The following EYS variants were observed in gnomAD, a reference collection of about 807,000 sequenced individuals.
EYS encodes the protein protein eyes shut homolog.
Under a neutral mutation model 282.1 loss-of-function variants are expected in EYS, and 250 were observed. That is an observed-to-expected ratio of 0.89 (90% CI 0.80 to 0.98). EYS has a LOEUF of 0.98. EYS is among the 50% of genes least tolerant of loss of function. The pLI is 0.00. For missense variants in EYS, 4,016 were observed against 3,709.0 expected (o/e 1.08, Z -2.15); for synonymous variants, 1,355 against 1,282.9 (o/e 1.06, Z -1.20).
rs111905542 is a variant in EYS at position 63,860,460 on chromosome 6, A to G, written c.7228+3726T>C. ...TTAATGTCTTGTAGGGAAACCTTCAATCAAAAAGAACCATGAGACAATGGT... is the reference window on the plus strand; with the variant it reads ...TTAATGTCTTGTAGGGAAACCTTCAGTCAAAAAGAACCATGAGACAATGGT... On this transcript the variant is annotated intron_variant, in intron 36 of 42. Coordinates refer to ENST00000503581, the MANE Select transcript of EYS (RefSeq NM_001142800.2). Among the ~76,000 whole-genome samples the G allele has an allele frequency of 3.0e-4, 46 of 152,292 alleles. 3 individuals are homozygous for G. Among genetic ancestry groups the G allele is most frequent in the African/African-American group, 1.1e-3 (45 of 41,568 alleles).
At position 63,834,850 on chromosome 6, in the gene EYS, C is replaced by T. The variant is rs186502109; in HGVS notation, c.7229-28478G>A. Among the ~76,000 whole-genome samples the T allele has an allele frequency of 4.0e-3, 611 of 151,872 alleles. 3 individuals are homozygous for T. The highest frequency in any genetic ancestry group is 0.014 in the African/African-American group (594 of 41,352). On this transcript the variant is annotated intron_variant, in intron 36 of 42. Coordinates refer to ENST00000503581, the MANE Select transcript of EYS (RefSeq NM_001142800.2). ...AGATTAAGACAATGTGTCACATATA[C>T]ACCATGGAATACTATGCAGCCATAA...
chr6:63,734,303 A>T (rs940472242), intron 41 of EYS, among the ~76,000 whole-genome samples: 1 of 152,198 alleles, frequency 6.6e-6, no homozygotes, highest in Non-Finnish European at 1.5e-5. Context: ...GTGTAGAAAC[A>T]TGACAGACCA....
intron 8 of EYS, 99 bp downstream of exon 8, chr6:65,384,287 T>C (rs943032788): frequency 2.8e-6 from 2 of 718,592 alleles, no homozygotes; most frequent in East Asian, 5.4e-5. Flanking sequence ...AGGATATGTT[T>C]CTCTGGCTAA....
intron 31 of EYS, among the ~76,000 whole-genome samples, chr6:64,094,053 A>C (rs947748527): frequency 1.3e-5 from 2 of 152,212 alleles, no homozygotes; most frequent in East Asian, 1.9e-4. Flanking sequence ...ATGCTGGATT[A>C]CATTTATTGA....
chr6:65,203,403 A>G (rs758594669), intron 12 of EYS, among the ~76,000 whole-genome samples: 6 of 152,088 alleles, frequency 3.9e-5, no homozygotes, highest in Non-Finnish European at 7.4e-5. Context: ...CATACACAGC[A>G]TATTGCTACC....
At chr6:65,554,131 A>G (rs1489936137) in intron 2 of EYS, among the ~76,000 whole-genome samples, 3 of 152,098 alleles carry the variant, frequency 2.0e-5, no homozygotes, top group Non-Finnish European at 4.4e-5. Context: ...CCAGGATCCT[A>G]TCGTCCTGTC....
intron 35 of EYS, among the ~76,000 whole-genome samples, chr6:63,869,243 C>A (rs1017628881): frequency 1.3e-5 from 2 of 152,020 alleles, no homozygotes; most frequent in Non-Finnish European, 2.9e-5. Context: ...AATGGAAAAT[C>A]CATAAACAAT....
intron 21 of EYS, among the ~76,000 whole-genome samples, chr6:64,820,545 A>C (rs1314182798): frequency 6.6e-6 from 1 of 152,154 alleles, no homozygotes; most frequent in Non-Finnish European, 1.5e-5. Context: ...AACTTTCACT[A>C]TCCAGAACAA....
chr6:64,286,548 C>G (rs1024400973), intron 30 of EYS, among the ~76,000 whole-genome samples: 9 of 152,018 alleles, frequency 5.9e-5, no homozygotes, highest in Non-Finnish European at 1.3e-4. Flanking sequence ...TTTTAGCTGC[C>G]CTGCTTTGCA....
At chr6:64,186,582 GGACTAA>G (rs1249819468) in intron 31 of EYS, among the ~76,000 whole-genome samples, 1 of 151,924 alleles carries the variant, frequency 6.6e-6, no homozygotes, top group Non-Finnish European at 1.5e-5. Flanking sequence ...AATATCACCA[GGACTAA>G]GACTTGTACT....
chr6:63,930,385 C>T (rs1474922535), intron 35 of EYS, among the ~76,000 whole-genome samples: 1 of 142,074 alleles, frequency 7.0e-6, no homozygotes, highest in Non-Finnish European at 1.5e-5. Flanking sequence ...TAGGTAACAT[C>T]CAAAAATTGA....
At chr6:65,075,090 T>C (rs889264426) in intron 12 of EYS, among the ~76,000 whole-genome samples, 7 of 152,076 alleles carry the variant, frequency 4.6e-5, no homozygotes, top group African/African-American at 1.4e-4. Flanking sequence ...CCCACTCTAC[T>C]TGTTATCTTC....
chr6:64,210,173 C>T (rs568239146), intron 31 of EYS, among the ~76,000 whole-genome samples: 1 of 152,324 alleles, frequency 6.6e-6, no homozygotes, highest in East Asian at 1.9e-4. Flanking sequence ...AAGACAGCTT[C>T]ATATCACTAT....
intron 11 of EYS, among the ~76,000 whole-genome samples, chr6:65,324,430 T>C (rs1769562475): frequency 6.6e-6 from 1 of 152,164 alleles, no homozygotes; most frequent in African/African-American, 2.4e-5. Context: ...ATTTCCTCTA[T>C]GCATTCTGAA....
At position 64,739,109 on chromosome 6, in the gene EYS, T is replaced by A. The variant is rs115935809; in HGVS notation, c.3443+74269A>T. On this transcript the variant is annotated intron_variant, in intron 22 of 42. Coordinates refer to ENST00000503581, the MANE Select transcript of EYS (RefSeq NM_001142800.2). Reference sequence around the variant, plus strand: ...AAGAGTGTCCTTTTTTTCACTCTACTGAGCTGGACCTCTATAGCCTCAGAC... The same window carrying A: ...AAGAGTGTCCTTTTTTTCACTCTACAGAGCTGGACCTCTATAGCCTCAGAC... 4.2e-3 allele frequency among the ~76,000 whole-genome samples: 646 copies of A among 152,332 alleles called. 7 individuals carry two copies. The highest frequency in any genetic ancestry group is 0.015 in the African/African-American group (628 of 41,574).
chr6:64,374,631 G>A (rs1286386885), intron 29 of EYS, among the ~76,000 whole-genome samples: 1 of 152,136 alleles, frequency 6.6e-6, no homozygotes, highest in Non-Finnish European at 1.5e-5. Context: ...ATCCCAACTA[G>A]TTTCTCAGAT....
chr6:65,117,868 T>C (rs1775423087), intron 12 of EYS, among the ~76,000 whole-genome samples: 1 of 152,192 alleles, frequency 6.6e-6, no homozygotes, highest in South Asian at 2.1e-4. Flanking sequence ...CAGATTTGTT[T>C]TTATTACATG....
At chr6:64,478,482 C>T (rs763073961) in intron 26 of EYS, among the ~76,000 whole-genome samples, 104 of 150,992 alleles carry the variant, frequency 6.9e-4, no homozygotes, top group Non-Finnish European at 1.1e-3. Flanking sequence ...TACATTATTG[C>T]CAGTATTTGT....
chr6:64,799,583 G>A (rs1774472333), intron 22 of EYS, among the ~76,000 whole-genome samples: 1 of 151,080 alleles, frequency 6.6e-6, no homozygotes, highest in Non-Finnish European at 1.5e-5. Flanking sequence ...TTAAAAAATT[G>A]ATCTATGTAG....
Sources: gnomAD v4.1 joint callset for allele counts (sites outside exome capture counted in the v4.1 genomes callset) on GRCh38, gnomAD v4.1.1 for gene constraint, MANE v1.5 for transcripts, NCBI Gene and HGNC (gene_info 2026-07-23, HGNC 2026-07-21) for gene names.